PBX1: variants seen among roughly 807,000 people sequenced by gnomAD.
PBX1 encodes pre-B-cell leukemia transcription factor 1.
PBX1 carries 6 observed loss-of-function variants against 53.4 expected under a neutral mutation model. That is an observed-to-expected ratio of 0.11 (90% CI 0.06 to 0.22). The LOEUF (loss-of-function observed/expected upper bound fraction) is 0.22, where lower values mean the gene tolerates loss of function less well. Ranked by LOEUF, PBX1 falls within the 10% of genes least tolerant of loss-of-function variation. The pLI is 1.00. For synonymous variants in PBX1, 204 were observed against 212.3 expected, an observed-to-expected ratio of 0.96 and a Z score of 0.34; for missense variants, 251 against 551.4, an observed-to-expected ratio of 0.46 and a Z score of 5.46.
At chr1:164,821,442 G>A in intron 7 of PBX1, 95 bp from the exon 8 acceptor site, 1 of 909,468 alleles carries the variant, frequency 1.1e-6, no homozygotes, top group South Asian at 1.3e-5. Flanking sequence ...CATTAATATG[G>A]CATGCCCAAA....
intron 2 of PBX1, among the ~76,000 whole-genome samples, chr1:164,679,714 C>T (rs1027113025): frequency 6.6e-6 from 1 of 152,138 alleles, no homozygotes; most frequent in Non-Finnish European, 1.5e-5. Flanking sequence ...TTGCTATTAT[C>T]GTATGTTTCA....
chr1:164,693,748 A>G (rs1780351), intron 2 of PBX1, among the ~76,000 whole-genome samples: 36,050 of 152,104 alleles, frequency 0.24, 4,506 homozygotes, highest in East Asian at 0.46. Flanking sequence ...TTTCCTGAGT[A>G]TCATGTAGCC....
At chr1:164,659,870 A>C (rs1278471531) in intron 2 of PBX1, among the ~76,000 whole-genome samples, 3 of 152,166 alleles carry the variant, frequency 2.0e-5, no homozygotes, top group Non-Finnish European at 4.4e-5. Context: ...GTCTCCTAAC[A>C]GGCTTCCTCT....
At chr1:164,788,759 C>G (rs368812789) in intron 2 of PBX1, among the ~76,000 whole-genome samples, 12 of 140,922 alleles carry the variant, frequency 8.5e-5, no homozygotes, top group South Asian at 5.2e-4. Context: ...CCCTCCCCCC[C>G]CCGCCCTTTT....
intron 2 of PBX1, among the ~76,000 whole-genome samples, chr1:164,719,915 C>G (rs1486448347): frequency 1.3e-5 from 2 of 152,190 alleles, no homozygotes; most frequent in Non-Finnish European, 2.9e-5. Flanking sequence ...TTCACCCTGC[C>G]TGCAAACAGA....
rs980564928 is a variant in PBX1, at chr1:164,580,580, C to CA, written c.265+17271dup. Among the ~76,000 whole-genome samples the CA allele has an allele frequency of 1.6e-3, 241 of 151,966 alleles. 1 individual carries two copies. Among genetic ancestry groups the CA allele is most frequent in the South Asian group, 1.7e-3 (8 of 4,804 alleles). ...CAGGCGTTGAGCCACCATTCCCAGC[C>CA]AAGTTTGTTTTTTGAGATGGAGTTT... On this transcript the variant is annotated intron_variant, in intron 2 of 8. Transcript: ENST00000420696.
At chr1:164,870,238 CTT>C (rs1672322565) in intron 2 of PBX1, among the ~76,000 whole-genome samples, 4 of 50,826 alleles carry the variant, frequency 7.9e-5, no homozygotes, top group African/African-American at 3.3e-4. Flanking sequence ...TCCTTCCTTC[CTT>C]CCTTCCTTCC....
chr1:164,885,718 G>C (rs2102470688), intron 2 of PBX1, among the ~76,000 whole-genome samples: 1 of 151,498 alleles, frequency 6.6e-6, no homozygotes, highest in East Asian at 1.9e-4. Flanking sequence ...TCATTCTCCT[G>C]GGGACAGTCT....
At chr1:164,611,480 C>T (rs896117330) in intron 2 of PBX1, among the ~76,000 whole-genome samples, 5 of 152,120 alleles carry the variant, frequency 3.3e-5, no homozygotes, top group African/African-American at 1.2e-4. Context: ...CCTCGTGATC[C>T]GCCCGCCTCG....
At chr1:164,816,802 T>C (rs1202651864) in intron 6 of PBX1, 1 of 151,806 alleles carries the variant, frequency 6.6e-6, no homozygotes, top group Non-Finnish European at 1.5e-5. Context: ...TTATTATTAT[T>C]ATTTTTGGAT....
At chr1:164,582,105 A>G (rs1368775789) in intron 2 of PBX1, among the ~76,000 whole-genome samples, 1 of 152,244 alleles carries the variant, frequency 6.6e-6, no homozygotes, top group Non-Finnish European at 1.5e-5. Flanking sequence ...AGGGCAATAA[A>G]ATAACATGCA....
intron 2 of PBX1, among the ~76,000 whole-genome samples, chr1:164,876,241 G>A (rs939054113): frequency 3.3e-5 from 5 of 151,918 alleles, no homozygotes; most frequent in South Asian, 4.2e-4. Context: ...TGATAAACAG[G>A]TTGGCTTCTA....
chr1:164,864,492 A>G (rs970079871), intron 2 of PBX1, among the ~76,000 whole-genome samples: 1 of 151,994 alleles, frequency 6.6e-6, no homozygotes, highest in Non-Finnish European at 1.5e-5. Context: ...TTTTAATCTG[A>G]TCATTAAATT....
chr1:164,623,587 G>T (rs1657836076), intron 2 of PBX1, among the ~76,000 whole-genome samples: 1 of 152,144 alleles, frequency 6.6e-6, no homozygotes, highest in South Asian at 2.1e-4. Flanking sequence ...GCACTCCTTT[G>T]ACTGTGTTTC....
At chr1:164,636,866 T>A (rs1000453869) in intron 2 of PBX1, among the ~76,000 whole-genome samples, 3 of 152,070 alleles carry the variant, frequency 2.0e-5, no homozygotes, top group African/African-American at 7.2e-5. Flanking sequence ...GATGTGTGGT[T>A]TGTGTGTGTT....
At chr1:164,682,728 C>T (rs1438192782) in intron 2 of PBX1, 1 of 152,154 alleles carries the variant, frequency 6.6e-6, no homozygotes, top group Non-Finnish European at 1.5e-5. Flanking sequence ...ACTGAGTAAT[C>T]AGGCCACTGT....
chr1:164,805,591 AC>A lies in PBX1; in HGVS notation c.702-1950del, dbSNP rs1382501046. 3.9e-5 allele frequency among the ~76,000 whole-genome samples: 6 copies of A among 152,328 alleles called. No homozygotes were observed. In the East Asian group the frequency reaches 1.2e-3, roughly 29 times the overall value. On this transcript the variant is annotated intron_variant, in intron 4 of 8. Transcript: ENST00000420696. ...CTAATGCAAACAACTGAATGAAGGA[AC>A]GGAGGCTCTCCAAATTAGGGAGCCT... is the stretch of plus-strand genomic sequence containing the variant.
chr1:164,805,131 A>G (rs1040591119), intron 4 of PBX1, among the ~76,000 whole-genome samples: 7 of 152,176 alleles, frequency 4.6e-5, no homozygotes, highest in Admixed American at 2.6e-4. Context: ...CTAAAACACC[A>G]TATTTATCCA....
chr1:164,574,177 T>G (rs891668145), intron 2 of PBX1, among the ~76,000 whole-genome samples: 15 of 152,230 alleles, frequency 9.9e-5, no homozygotes, highest in Admixed American at 3.9e-4. Flanking sequence ...TTTTAGGTTC[T>G]TTCTTTCTCC....
Sources: gnomAD v4.1 joint callset for allele counts (sites outside exome capture counted in the v4.1 genomes callset) on GRCh38, gnomAD v4.1.1 for gene constraint, MANE v1.5 for transcripts, NCBI Gene and HGNC (gene_info 2026-07-23, HGNC 2026-07-21) for gene names.